EML4: variants seen among roughly 807,000 people sequenced by gnomAD.
EML4 encodes the protein EMAP like 4, also known as echinoderm microtubule-associated protein-like 4.
In EML4, 72 loss-of-function variants were observed where a neutral mutation model predicts 129.0. That is an observed-to-expected ratio of 0.56 (90% CI 0.46 to 0.68). The LOEUF is 0.68. EML4 is among the 30% of genes least tolerant of loss of function. The pLI is 0.00. For synonymous variants in EML4, 532 were observed against 405.0 expected (o/e 1.31, Z -3.77); for missense variants, 1,363 against 1,190.6 (o/e 1.14, Z -2.13).
chr2:42,217,386 C>G (rs962216814), intron 1 of EML4, among the ~76,000 whole-genome samples: 37 of 152,054 alleles, frequency 2.4e-4, no homozygotes, highest in South Asian at 2.1e-4. Context: ...CAGAATTAAC[C>G]TTTACTGTAA....
At chr2:42,245,754 G>A (rs17671409) in intron 2 of EML4, 67 bp downstream of exon 2, 159,480 of 1,430,672 alleles carry the variant, frequency 0.11, 10,174 homozygotes, top group Middle Eastern at 0.25. Flanking sequence ...GTTGAAGCTG[G>A]AAATATAAAA....
At chr2:42,237,587 C>A (rs1163991031) in intron 1 of EML4, among the ~76,000 whole-genome samples, 1 of 152,092 alleles carries the variant, frequency 6.6e-6, no homozygotes, top group Non-Finnish European at 1.5e-5. Flanking sequence ...GTCAAAAATC[C>A]ACGTATACTT....
chr2:42,198,755 T>C (rs1294753934), intron 1 of EML4, among the ~76,000 whole-genome samples: 1 of 152,176 alleles, frequency 6.6e-6, no homozygotes, highest in African/African-American at 2.4e-5. Context: ...TGGAGTTCAC[T>C]TGGAAAATGT....
At chr2:42,177,023 C>G (rs1378540326) in intron 1 of EML4, among the ~76,000 whole-genome samples, 1 of 152,118 alleles carries the variant, frequency 6.6e-6, no homozygotes, top group African/African-American at 2.4e-5. Flanking sequence ...AAACTCCTGA[C>G]CTCAAGTGAT....
At chr2:42,188,882 C>G (rs147537817) in intron 1 of EML4, among the ~76,000 whole-genome samples, 3 of 152,108 alleles carry the variant, frequency 2.0e-5, no homozygotes, top group Non-Finnish European at 2.9e-5. Context: ...GTAATCCCAG[C>G]GCTTTGGGAG....
At chr2:42,214,537 C>T (rs1673066357) in intron 1 of EML4, among the ~76,000 whole-genome samples, 1 of 151,800 alleles carries the variant, frequency 6.6e-6, no homozygotes, top group Non-Finnish European at 1.5e-5. Context: ...CCTTATTGAT[C>T]TATTCTGGTT....
intron 8 of EML4, among the ~76,000 whole-genome samples, chr2:42,284,170 CT>C (rs756393942): frequency 5.9e-5 from 9 of 152,142 alleles, no homozygotes; most frequent in Non-Finnish European, 1.2e-4. Flanking sequence ...TTGCTGTTTT[CT>C]TTTGTTGAAA....
chr2:42,244,757 A>T (rs920944878), intron 1 of EML4, among the ~76,000 whole-genome samples: 1 of 152,154 alleles, frequency 6.6e-6, no homozygotes, highest in Non-Finnish European at 1.5e-5. Flanking sequence ...TCCCTATCTG[A>T]TACATAAAAC....
At chr2:42,269,097 A>C (rs1241978968) in intron 6 of EML4, among the ~76,000 whole-genome samples, 1 of 152,224 alleles carries the variant, frequency 6.6e-6, no homozygotes, top group African/African-American at 2.4e-5. Flanking sequence ...ATCAAAATGG[A>C]AGGACAGTTA....
intron 7 of EML4, among the ~76,000 whole-genome samples, chr2:42,281,981 A>T (rs1259373358): frequency 1.3e-5 from 2 of 152,190 alleles, no homozygotes; most frequent in Admixed American, 6.5e-5. Context: ...TTTAACAAAC[A>T]TTCTGCCTAC....
rs1665950448 is a variant in EML4, at chr2:42,264,640, A to G, written c.642-66A>G. ...GCATTAAAACTTTTACAGTTTCTTG[A>G]GGTGATTTTAATGGTTAGCCATATA... On this transcript the variant is annotated intron_variant, in intron 5 of 22. Transcript: ENST00000318522. The G allele has an allele frequency of 1.5e-5, 13 of 875,256 alleles. No individual in the cohort carries two copies. In the South Asian group the frequency reaches 1.8e-4, roughly 12 times the overall value. 54.2% of individuals were successfully genotyped at this position (875,256 alleles called of 1,614,324 possible).
At chr2:42,272,077 C>CAAAA (rs35948547) in intron 6 of EML4, among the ~76,000 whole-genome samples, 3 of 101,154 alleles carry the variant, frequency 3.0e-5, no homozygotes, top group Non-Finnish European at 6.1e-5. Flanking sequence ...CACTCCATCT[C>CAAAA]AAAAAAAAAA....
chr2:42,327,397 T>C (rs1669864526), intron 21 of EML4, among the ~76,000 whole-genome samples: 1 of 152,236 alleles, frequency 6.6e-6, no homozygotes, highest in South Asian at 2.1e-4. Flanking sequence ...TAACTGTATG[T>C]TTACTCTTTT....
intron 1 of EML4, among the ~76,000 whole-genome samples, chr2:42,235,825 C>T (rs751809645): frequency 3.3e-5 from 5 of 151,886 alleles, no homozygotes; most frequent in Admixed American, 6.6e-5. Context: ...CCACAAAACC[C>T]CAGGGTTCTT....
intron 1 of EML4, among the ~76,000 whole-genome samples, chr2:42,209,837 G>C (rs1220263803): frequency 6.6e-6 from 1 of 152,122 alleles, no homozygotes; most frequent in Non-Finnish European, 1.5e-5. Flanking sequence ...GCTGAGGCAG[G>C]AGAATTGCTT....
intron 1 of EML4, among the ~76,000 whole-genome samples, chr2:42,184,378 TCC>T (rs1196929844): frequency 1.0e-5 from 1 of 96,126 alleles, no homozygotes; most frequent in East Asian, 3.6e-4. Context: ...ATGCTATCCC[TCC>T]CCCCTCCCCC....
chr2:42,305,160 C>G (rs912943204), intron 17 of EML4, among the ~76,000 whole-genome samples: 1 of 152,120 alleles, frequency 6.6e-6, no homozygotes, highest in Non-Finnish European at 1.5e-5. Flanking sequence ...GCCAGTAATT[C>G]CAGTGCTTTG....
intron 20 of EML4, 42 bp downstream of exon 20, chr2:42,325,596 TTATATTTATATATATA>T (rs765047665): frequency 0.022 from 3,259 of 150,826 alleles, 232 homozygotes; most frequent in Non-Finnish European, 0.031. Flanking sequence ...TATGCTATGA[TTATATTTATATATATA>T]TATATATATA....
At chr2:42,302,501 T>A (rs530613307) in intron 14 of EML4, among the ~76,000 whole-genome samples, 3 of 152,202 alleles carry the variant, frequency 2.0e-5, no homozygotes, top group African/African-American at 7.2e-5. Flanking sequence ...ACCACATTCT[T>A]CATGTGATTT....
Sources: allele counts gnomAD v4.1 joint callset (sites outside exome capture counted in the v4.1 genomes callset), GRCh38; gene constraint gnomAD v4.1.1; transcripts MANE v1.5; gene names NCBI Gene and HGNC (gene_info 2026-07-23, HGNC 2026-07-21).